The following EPHB6 variants were observed in gnomAD, a reference collection of about 807,000 sequenced individuals.
EPHB6 encodes the protein EPH receptor B6, also known as ephrin type-B receptor 6.
In EPHB6, 51 loss-of-function variants were observed where a neutral mutation model predicts 107.0. The observed-to-expected ratio is 0.48, with a 90% confidence interval of 0.38 to 0.60. The LOEUF (loss-of-function observed/expected upper bound fraction) is 0.60. Ranked by LOEUF, EPHB6 falls within the 20% of genes least tolerant of loss-of-function variation. EPHB6 has a pLI of 0.00. For missense variants in EPHB6, 1,141 were observed against 1,355.5 expected (o/e 0.84, Z 2.48); for synonymous variants, 553 against 549.0 (o/e 1.01, Z -0.10).
intron 8 of EPHB6, 125 bp from the exon 9 acceptor site, chr7:142,865,835 C>A: frequency 8.5e-7 from 1 of 1,180,900 alleles, no homozygotes; most frequent in Non-Finnish European, 1.2e-6. Context: ...CTGGGCTACC[C>A]CCACCCCACG....
chr7:142,863,739 C>G, intron 6 of EPHB6, 44 bp downstream of exon 6: 1 of 1,598,234 alleles, frequency 6.3e-7, no homozygotes, highest in South Asian at 1.1e-5. Flanking sequence ...TTGGCCCTGC[C>G]CCTCCCTGTT....
intron 1 of EPHB6, among the ~76,000 whole-genome samples, chr7:142,859,064 C>T (rs529735409): frequency 1.3e-5 from 2 of 152,310 alleles, no homozygotes; most frequent in South Asian, 2.1e-4. Context: ...ACCTTATACA[C>T]ATCTGAAATG....
rs1194286008 is a variant in EPHB6, at chr7:142,866,259, G to A, written c.1405G>A (p.Glu469Lys). 1.9e-6 allele frequency: 3 copies of A among 1,614,034 alleles called. No homozygotes were observed. Among genetic ancestry groups the A allele is most frequent in the Middle Eastern group, 3.3e-4 (2 of 6,062 alleles). Residue 469 changes from glutamate (E) to lysine (K), a missense_variant, in exon 9 of 20, where the codon GAG becomes AAG. By Grantham distance (56) the Glu-to-Lys change is moderately conservative. Around this residue, in one of 3 missense-constraint regions of EPHB6, gnomAD observed 616 missense variants for 759.3 expected, o/e 0.81. Transcript: ENST00000652003. This position sits in a 1 kb window ranked among gnomAD's most constrained non-coding sequence, Gnocchi z 5.2. ...GGTGCAGGCTGTTAATGGGGTGTCTGAGCTCAGCCCTGACCCTCCTCAGGC... is the reference window on the plus strand; with the variant it reads ...GGTGCAGGCTGTTAATGGGGTGTCTAAGCTCAGCCCTGACCCTCCTCAGGC... The part of the protein sequence containing the change: ...LEVQAVNGVS[E>K]LSPDPPQAAA...
Position 142,865,563 on chromosome 7 carries a change from C to G in EPHB6, c.1038C>G (p.Ala346=). 1.2e-6 allele frequency: 2 copies of G among 1,613,760 alleles called. No individual in the cohort carries two copies. The highest frequency in any genetic ancestry group is 1.7e-6 in the Non-Finnish European group (2 of 1,179,994). The change falls in exon 8 of 20, where the codon GCC becomes GCG. Residue 346 remains alanine, a synonymous_variant. Transcript: ENST00000652003. Reference sequence around the variant, plus strand: ...GCAGTCACGCTCCCAACCCAGCAGCCCCCGTTTGCCCCTGCCTGGAGGGCT... The same window carrying G: ...GCAGTCACGCTCCCAACCCAGCAGCGCCCGTTTGCCCCTGCCTGGAGGGCT... The part of the protein sequence containing the change: ...PARSHAPNPA[A]PVCPCLEGFY...
chr7:142,859,274 C>T (rs8177121), intron 1 of EPHB6, among the ~76,000 whole-genome samples: 258 of 152,312 alleles, frequency 1.7e-3, no homozygotes, highest in African/African-American at 5.6e-3. Flanking sequence ...CCCTGGGATG[C>T]TCTCCTGGAC....
chr7:142,865,334 G>GTTCA, intron 7 of EPHB6, 141 bp from the exon 8 acceptor site: 1 of 1,058,784 alleles, frequency 9.4e-7, no homozygotes, highest in Non-Finnish European at 1.4e-6. Context: ...GGGAAGAGAG[G>GTTCA]GTGGGGTTCA....
intron 1 of EPHB6, among the ~76,000 whole-genome samples, chr7:142,857,316 A>C (rs1802651408): frequency 6.6e-6 from 1 of 152,226 alleles, no homozygotes; most frequent in East Asian, 1.9e-4. Context: ...GGACTAGAAG[A>C]GCCGGAGGAC....
In EPHB6 at chr7:142,868,812, T is replaced by C. The variant is rs1394979370; in HGVS notation, c.2286+73T>C. 1.2e-5 allele frequency: 20 copies of C among 1,611,774 alleles called. No individual in the cohort carries two copies. The Admixed American group carries it at 2.8e-4, about 23-fold the overall frequency. ...CTTCCAGGAGACGAGGTCCTGTATC[T>C]TTGCTTCTTACCACCCCACCTTCCA... On this transcript the variant is annotated intron_variant, in intron 15 of 19. Transcript: ENST00000652003. The surrounding 1 kb of genome is among the most constrained non-coding windows in gnomAD (Gnocchi z 4.2).
At position 142,866,387 on chromosome 7, in the gene EPHB6, C is replaced by T. The variant is rs1794597903; in HGVS notation, c.1462+71C>T. ...TTGAGCCCCCTTCCCTACTCCTGATCTCCAGCCTGGTCCACCCCTGCCGCC... is the reference window on the plus strand; with the variant it reads ...TTGAGCCCCCTTCCCTACTCCTGATTTCCAGCCTGGTCCACCCCTGCCGCC... On this transcript the variant is annotated intron_variant, in intron 9 of 19. Coordinates refer to ENST00000652003, the MANE Select transcript of EPHB6 (RefSeq NM_004445.6). The surrounding 1 kb of genome is among the most constrained non-coding windows in gnomAD (Gnocchi z 5.2). The T allele has an allele frequency of 4.3e-6, 7 of 1,611,558 alleles. No individual in the cohort carries two copies. Among genetic ancestry groups the T allele is most frequent in the Non-Finnish European group, 5.9e-6 (7 of 1,178,988 alleles).
rs1794721874 is a variant in EPHB6, at chr7:142,868,406, T to A, written c.2038+46T>A. 6.2e-7 allele frequency: 1 copy of A among 1,613,952 alleles called. No individual in the cohort carries two copies. The highest frequency in any genetic ancestry group is 8.5e-7 in the Non-Finnish European group (1 of 1,179,854). On this transcript the variant is annotated intron_variant, in intron 14 of 19. Transcript: ENST00000652003. This position sits in a 1 kb window ranked among gnomAD's most constrained non-coding sequence, Gnocchi z 4.2. ...GGATCAGAGCGACGGGGCTCCCTTG[T>A]GGCCTCCGCTGGCCAGAGTCCCATC...
chr7:142,865,348 T>C, intron 7 of EPHB6, 127 bp from the exon 8 acceptor site: 1 of 1,265,052 alleles, frequency 7.9e-7, no homozygotes, highest in Non-Finnish European at 1.1e-6. Context: ...GGGTTCAGTC[T>C]TGGAAGAAAA....
chr7:142,863,137 T>G lies in EPHB6; in HGVS notation c.-91T>G. 3 of 1,084,130 alleles carry G rather than the reference T, an allele frequency of 2.8e-6. No individual in the cohort carries two copies. The South Asian group carries it at 4.0e-5, about 15-fold the overall frequency. The allele number at this position is 1,084,130 out of a possible 1,614,324, so 67.2% of individuals were successfully genotyped here. ...TGTGTGTCTCCTCAGGAAGCAAGCT[T>G]AGCTGTACACCCTGAGTCTTGCAAA... On this transcript the variant is annotated 5_prime_UTR_variant, in exon 5 of 20. An upstream open reading frame in the 5' UTR gains an earlier in-frame stop. Transcript: ENST00000652003.
At position 142,869,339 on chromosome 7, in the gene EPHB6, C is replaced by T. The variant is rs73460403; in HGVS notation, c.2460+192C>T. Among the ~76,000 whole-genome samples, 56 of 152,156 alleles carry T rather than the reference C, an allele frequency of 3.7e-4. No individual in the cohort carries two copies. Among genetic ancestry groups the T allele is most frequent in the African/African-American group, 1.3e-3 (53 of 41,514 alleles). On this transcript the variant is annotated intron_variant, in intron 16 of 19. Transcript: ENST00000652003. The surrounding 1 kb of genome is among the most constrained non-coding windows in gnomAD (Gnocchi z 4.5). ...ACGGGGTTTGAGGGATTTCAGGGAC[C>T]GAGACAAAGGGGATGAGGGAGGGGA...
Position 142,866,699 on chromosome 7 carries a change from TGA to T in EPHB6, c.1587+96_1587+97del. On this transcript the variant is annotated intron_variant, in intron 10 of 19. Transcript: ENST00000652003. This position sits in a 1 kb window ranked among gnomAD's most constrained non-coding sequence, Gnocchi z 5.2. Reference sequence around the variant, plus strand: ...GAGGTGACCAGGTGCACAGGAGGAATGAGGGGTCCGCAACAGGGCTGGCAGGA... The same window carrying T: ...GAGGTGACCAGGTGCACAGGAGGAATGGGGTCCGCAACAGGGCTGGCAGGA... The T allele has an allele frequency of 6.2e-7, 1 of 1,606,484 alleles. No homozygotes were observed. Among genetic ancestry groups the T allele is most frequent in the Non-Finnish European group, 8.5e-7 (1 of 1,176,764 alleles).
Position 142,855,699 on chromosome 7 carries a change from G to T in EPHB6, c.-432+314G>T, listed in dbSNP as rs1344476785. ...GGCTTGGGAGTCCTAATCTGGGAGG[G>T]TCCTCGCAGAGACGGAGCTCCACGC... On this transcript the variant is annotated intron_variant, in intron 1 of 19. Coordinates refer to ENST00000652003, the MANE Select transcript of EPHB6 (RefSeq NM_004445.6). The surrounding 1 kb of genome is among the most constrained non-coding windows in gnomAD (Gnocchi z 4.2). Among the ~76,000 whole-genome samples the T allele has an allele frequency of 6.6e-6, 1 of 152,150 alleles. No individual in the cohort carries two copies. Among genetic ancestry groups the T allele is most frequent in the African/African-American group, 2.4e-5 (1 of 41,432 alleles).
Position 142,867,899 on chromosome 7 carries a change from C to G in EPHB6, c.1866-98C>G. 6.5e-7 allele frequency: 1 copy of G among 1,529,044 alleles called. No homozygotes were observed. Among genetic ancestry groups the G allele is most frequent in the Non-Finnish European group, 8.9e-7 (1 of 1,128,896 alleles). The allele number at this position is 1,529,044 out of a possible 1,614,324, so 94.7% of individuals were successfully genotyped here. A position where few individuals can be genotyped will look rare whatever the true frequency, so the allele number is the denominator to read the frequency against. ...CAGGAGGGCCAGGCTGTCGTCCCCCCTCCACAGACCGACTAAAGAGCAGTC... is the reference window on the plus strand; with the variant it reads ...CAGGAGGGCCAGGCTGTCGTCCCCCGTCCACAGACCGACTAAAGAGCAGTC... On this transcript the variant is annotated intron_variant, in intron 12 of 19. Coordinates refer to ENST00000652003, the MANE Select transcript of EPHB6 (RefSeq NM_004445.6). The surrounding 1 kb of genome is among the most constrained non-coding windows in gnomAD (Gnocchi z 5.3).
chr7:142,867,772 C>G lies in EPHB6; in HGVS notation c.1865+50C>G, dbSNP rs1460530477. 9 of 1,538,106 alleles carry G rather than the reference C, an allele frequency of 5.9e-6. No individual in the cohort carries two copies. The Middle Eastern group carries it at 6.1e-4, about 104-fold the overall frequency. On this transcript the variant is annotated intron_variant, in intron 12 of 19. Transcript: ENST00000652003. The surrounding 1 kb of genome is among the most constrained non-coding windows in gnomAD (Gnocchi z 5.3). ...CTGCCCAGCACCATTAACTCCACAGCCAAACCTCAAGTCCTGCCAAGTCTG... is the reference window on the plus strand; with the variant it reads ...CTGCCCAGCACCATTAACTCCACAGGCAAACCTCAAGTCCTGCCAAGTCTG...
intron 1 of EPHB6, among the ~76,000 whole-genome samples, chr7:142,857,114 G>T (rs8177114): frequency 0.03 from 4,539 of 152,290 alleles, 244 homozygotes; most frequent in African/African-American, 0.1. Context: ...ATTCTAAGTG[G>T]CTGTCTGGCT....
In EPHB6 at chr7:142,870,402, G is replaced by A. The variant is rs1162306856; in HGVS notation, c.2799G>A (p.Gly933=). The A allele has an allele frequency of 3.1e-6, 5 of 1,614,086 alleles. No homozygotes were observed. Among genetic ancestry groups the A allele is most frequent in the Non-Finnish European group, 4.2e-6 (5 of 1,180,024 alleles). ...CCCTGCAGGCTGGCGGGGACCCAGG[G>A]GAAAGGTCTGGAGCTTGGGGCTAGA... ...PDTLQAGGDP[G]ERPSQALLTP... Residue 933 remains glycine, a synonymous_variant, in exon 18 of 20, where the codon GGG becomes GGA. Coordinates refer to ENST00000652003, the MANE Select transcript of EPHB6 (RefSeq NM_004445.6).
Sources: allele counts gnomAD v4.1 joint callset (sites outside exome capture counted in the v4.1 genomes callset), GRCh38; gene constraint gnomAD v4.1.1; regional missense constraint gnomAD v4.1.1; non-coding constraint Gnocchi (gnomAD v3.1); transcripts MANE v1.5; gene names NCBI Gene and HGNC (gene_info 2026-07-23, HGNC 2026-07-21).